Variants in IPCEF1 observed in about 807,000 individuals in gnomAD.
IPCEF1 encodes the protein interaction protein for cytohesin exchange factors 1.
A neutral mutation model predicts 50.9 loss-of-function variants in IPCEF1; 31 were observed. The observed-to-expected ratio is 0.61, with a 90% CI of 0.46 to 0.82. The LOEUF (loss-of-function observed/expected upper bound fraction) is 0.82. Ranked by LOEUF, IPCEF1 falls within the 40% of genes least tolerant of loss-of-function variation. IPCEF1 has a pLI of 0.00. For missense variants in IPCEF1, 458 were observed against 514.0 expected (o/e 0.89, Z 1.05); for synonymous variants, 181 against 192.0 (o/e 0.94, Z 0.47).
intron 1 of IPCEF1, among the ~76,000 whole-genome samples, chr6:154,327,567 A>G (rs1562290929): frequency 6.6e-6 from 1 of 152,194 alleles, no homozygotes; most frequent in East Asian, 1.9e-4. Context: ...AGGCAAAAAA[A>G]CAACACATAT....
chr6:154,255,380 A>T (rs2128648100), intron 3 of IPCEF1, among the ~76,000 whole-genome samples: 1 of 152,304 alleles, frequency 6.6e-6, no homozygotes, highest in East Asian at 1.9e-4. Context: ...GTCTTCTAAC[A>T]ACTATCACAC....
intron 2 of IPCEF1, among the ~76,000 whole-genome samples, chr6:154,279,796 A>G (rs929228587): frequency 2.3e-4 from 35 of 152,220 alleles, no homozygotes; most frequent in Non-Finnish European, 7.3e-5. Flanking sequence ...CAGAATCTAT[A>G]AAGAACTCCC....
At chr6:154,272,662 A>C (rs1458596349) in intron 2 of IPCEF1, among the ~76,000 whole-genome samples, 1 of 152,250 alleles carries the variant, frequency 6.6e-6, no homozygotes, top group East Asian at 1.9e-4. Context: ...ACATATATTA[A>C]TAAAGAATCA....
chr6:154,333,854 T>C (rs1011077968), intron 1 of IPCEF1, among the ~76,000 whole-genome samples: 1 of 152,104 alleles, frequency 6.6e-6, no homozygotes, highest in Non-Finnish European at 1.5e-5. Context: ...CACACATTTC[T>C]TTAGTCACAG....
intron 2 of IPCEF1, among the ~76,000 whole-genome samples, chr6:154,281,417 C>T (rs902041074): frequency 6.6e-6 from 1 of 151,792 alleles, no homozygotes; most frequent in African/African-American, 2.4e-5. Flanking sequence ...ATCCTAGCTA[C>T]TTAGGAGGTT....
At position 154,160,044 on chromosome 6, in the gene IPCEF1, T is replaced by C. The variant is rs200432442; in HGVS notation, c.1105-4A>G. ...TGGCCAGATCATGTTCTTTACACTG[T>C]GTGAGTAGAAAAAAAGGGGAAGGGG... On this transcript the variant is annotated splice_region_variant and splice_polypyrimidine_tract_variant and intron_variant, in intron 11 of 11. Coordinates refer to ENST00000367220, the MANE Select transcript of IPCEF1 (RefSeq NM_001130700.2). The C allele has an allele frequency of 2.2e-5, 36 of 1,603,290 alleles. No individual in the cohort carries two copies. The highest frequency in any genetic ancestry group is 6.7e-5 in the East Asian group (3 of 44,732).
At chr6:154,292,367 T>C (rs997984319) in intron 1 of IPCEF1, among the ~76,000 whole-genome samples, 1 of 152,254 alleles carries the variant, frequency 6.6e-6, no homozygotes, top group Non-Finnish European at 1.5e-5. Context: ...TTGCCTCATA[T>C]AAACTAAATT....
chr6:154,165,576 G>C (rs1799359958), intron 11 of IPCEF1, among the ~76,000 whole-genome samples: 1 of 152,164 alleles, frequency 6.6e-6, no homozygotes, highest in Admixed American at 6.5e-5. Context: ...GGGATCTATG[G>C]AAAGGGCTCC....
intron 3 of IPCEF1, among the ~76,000 whole-genome samples, chr6:154,256,568 C>A (rs201549360): frequency 6.8e-6 from 1 of 147,588 alleles, no homozygotes; most frequent in Admixed American, 6.7e-5. Flanking sequence ...TCTCTCTGTG[C>A]GTGTGTGTGT....
chr6:154,238,165 ATTATT>A (rs1355498041), intron 5 of IPCEF1, among the ~76,000 whole-genome samples: 1 of 152,248 alleles, frequency 6.6e-6, no homozygotes, highest in African/African-American at 2.4e-5. Context: ...CATGTATGAT[ATTATT>A]TTATTTTTGT....
Position 154,228,164 on chromosome 6 carries a change from C to T in IPCEF1, c.247-4921G>A, listed in dbSNP as rs181047298. The stretch of plus-strand genomic sequence containing the variant: ...TCCTTCTTCTTCAATTCCTAACTTT[C>T]TAAAAAGTTTCCTGCAGGCAGCCAA... On this transcript the variant is annotated intron_variant, in intron 5 of 11. Coordinates refer to ENST00000367220, the MANE Select transcript of IPCEF1 (RefSeq NM_001130700.2). Among the ~76,000 whole-genome samples the T allele has an allele frequency of 2.7e-3, 407 of 151,996 alleles. 4 individuals carry two copies. The highest frequency in any genetic ancestry group is 0.024 in the Admixed American group (359 of 15,256).
chr6:154,283,291 C>CA (rs35691566), intron 2 of IPCEF1, among the ~76,000 whole-genome samples: 17,731 of 66,330 alleles, frequency 0.27, 2,484 homozygotes, highest in Admixed American at 0.41. Context: ...AACTCCATCT[C>CA]AAAAAAAAAA....
Position 154,297,008 on chromosome 6 carries a change from CT to C in IPCEF1, c.-61-7253del, listed in dbSNP as rs560697427. 1.6e-3 allele frequency among the ~76,000 whole-genome samples: 251 copies of C among 152,188 alleles called. 1 individual carries two copies. Among genetic ancestry groups the C allele is most frequent in the African/African-American group, 5.9e-3 (244 of 41,532 alleles). On this transcript the variant is annotated intron_variant, in intron 1 of 11. Transcript: ENST00000367220. ...TGACGCTGCTCTCTCTGCTTCCCCA[CT>C]GGTCCAAAGTCATTACATTTCTTTT...
At chr6:154,281,338 G>C (rs1388290787) in intron 2 of IPCEF1, among the ~76,000 whole-genome samples, 2 of 151,168 alleles carry the variant, frequency 1.3e-5, no homozygotes, top group African/African-American at 4.9e-5. Flanking sequence ...GGGTAACAGA[G>C]CAAGACCTCA....
intron 5 of IPCEF1, among the ~76,000 whole-genome samples, chr6:154,241,926 C>T (rs1190208652): frequency 2.0e-5 from 3 of 152,134 alleles, no homozygotes; most frequent in Non-Finnish European, 4.4e-5. Flanking sequence ...GCTATGCAGC[C>T]TGGGGAAAAG....
intron 1 of IPCEF1, among the ~76,000 whole-genome samples, chr6:154,303,778 C>T (rs1274352073): frequency 6.6e-6 from 1 of 152,046 alleles, no homozygotes; most frequent in Non-Finnish European, 1.5e-5. Flanking sequence ...AAAAAATTAA[C>T]GAGGCATGTT....
intron 3 of IPCEF1, among the ~76,000 whole-genome samples, chr6:154,249,127 A>G (rs1274077396): frequency 6.6e-6 from 1 of 152,142 alleles, no homozygotes; most frequent in Non-Finnish European, 1.5e-5. Flanking sequence ...GCAAAGATAG[A>G]CATGTTATAA....
intron 9 of IPCEF1, 140 bp from the exon 10 acceptor site, chr6:154,200,180 TATG>T: frequency 1.3e-6 from 1 of 747,848 alleles, no homozygotes; most frequent in South Asian, 2.0e-5. Flanking sequence ...AAGGTAAAGA[TATG>T]ATATTTATTT....
intron 1 of IPCEF1, among the ~76,000 whole-genome samples, chr6:154,331,760 A>C (rs1435052649): frequency 6.6e-6 from 1 of 152,148 alleles, no homozygotes; most frequent in Non-Finnish European, 1.5e-5. Context: ...ATGAGCATTC[A>C]TACAGCTCTA....
Sources: gnomAD v4.1 joint callset for allele counts (sites outside exome capture counted in the v4.1 genomes callset) on GRCh38, gnomAD v4.1.1 for gene constraint, MANE v1.5 for transcripts, NCBI Gene and HGNC (gene_info 2026-07-23, HGNC 2026-07-21) for gene names.